Variants in CNGA2 observed in about 807,000 individuals in gnomAD.
CNGA2 encodes cyclic nucleotide-gated channel alpha-2.
A neutral mutation model predicts 35.9 loss-of-function variants in CNGA2; 22 were observed. The ratio of observed to expected loss-of-function variants is 0.61; its 90% CI spans 0.44 to 0.88. The LOEUF is 0.88. Among genes scored for constraint, CNGA2 ranks in the 40% least tolerant of loss-of-function variants. The pLI is 0.00. For missense variants in CNGA2, 555 were observed against 530.8 expected, an observed-to-expected ratio of 1.05 and a Z score of -0.45; for synonymous variants, 217 against 209.2, an observed-to-expected ratio of 1.04 and a Z score of -0.32.
At position 151,744,487 on chromosome X, in the gene CNGA2, G is replaced by A. The variant is rs1210284448; in HGVS notation, c.1984G>A (p.Asp662Asn). ...GMNSPELAAA[D>N]EP is the part of the protein sequence containing the mutation. ...GAACAGCCCTGAGCTGGCTGCTGCT[G>A]ACGAGCCATAAGACCTGGGGCCCAA... Residue 662 changes from aspartate (D) to asparagine (N), a missense_variant, in exon 7 of 7, where the codon GAC (aspartate) becomes AAC (asparagine). Physicochemically the swap from Asp to Asn is conservative, Grantham distance 23. Transcript: ENST00000329903. The A allele has an allele frequency of 3.4e-6, 4 of 1,167,003 alleles. No individual in the cohort carries two copies. Among genetic ancestry groups the A allele is most frequent in the Non-Finnish European group, 4.6e-6 (4 of 871,968 alleles).
intron 4 of CNGA2, 136 bp downstream of exon 4, chrX:151,739,868 G>A: frequency 1.4e-6 from 1 of 704,449 alleles, no homozygotes; most frequent in Non-Finnish European, 2.0e-6. Flanking sequence ...AGGGTGATTT[G>A]CAATGTTTTC....
intron 3 of CNGA2, 21 bp downstream of exon 3, chrX:151,738,900 G>T: frequency 8.9e-7 from 1 of 1,126,072 alleles, no homozygotes. Flanking sequence ...CCACTACCCT[G>T]CTGCTTCCCC....
At chrX:151,737,695 G>T (rs760163710) in intron 1 of CNGA2, among the ~76,000 whole-genome samples, 2 of 111,626 alleles carry the variant, frequency 1.8e-5, no homozygotes, top group South Asian at 7.7e-4. Flanking sequence ...CCTGCTCTGC[G>T]CAGAGGAGAG....
In CNGA2 at chrX:151,743,038, ATG is replaced by A. The variant is rs1491462268; in HGVS notation, c.590-53_590-52del. On this transcript the variant is annotated intron_variant, in intron 6 of 6. Coordinates refer to ENST00000329903, the MANE Select transcript of CNGA2 (RefSeq NM_005140.3). ...TATATGTATATATATGCACATATATATGTATATATATACCCTGAGGGCAGAGA... is the reference window on the plus strand; with the variant it reads ...TATATGTATATATATGCACATATATATATATATATACCCTGAGGGCAGAGA... 4.7e-3 allele frequency: 2,061 copies of A among 442,040 alleles called. 410 individuals carry two copies. The African/African-American group carries it at 0.055, about 12-fold the overall frequency. 36.4% of individuals were successfully genotyped at this position (442,040 alleles called of 1,213,427 possible).
At chrX:151,739,456 G>A in intron 3 of CNGA2, 106 bp from the exon 4 acceptor site, 1 of 890,023 alleles carries the variant, frequency 1.1e-6, no homozygotes, top group Non-Finnish European at 1.6e-6. Context: ...AGGTTTCACT[G>A]TCCTTCTTTC....
intron 6 of CNGA2, among the ~76,000 whole-genome samples, 168 bp from the exon 7 acceptor site, chrX:151,742,925 G>GATATATATAT (rs34829464): frequency 3.3e-5 from 2 of 61,442 alleles, no homozygotes; most frequent in African/African-American, 2.0e-4. Flanking sequence ...TATAGGGAAG[G>GATATATATAT]ATATATATAT....
At chrX:151,741,152 G>C (rs987517904) in intron 5 of CNGA2, among the ~76,000 whole-genome samples, 1 of 112,070 alleles carries the variant, frequency 8.9e-6, no homozygotes, top group Non-Finnish European at 1.9e-5. Flanking sequence ...CTAGGATTTG[G>C]TGATGCCATT....
In CNGA2 at chrX:151,740,660, C is replaced by T. The variant is rs2015295338; in HGVS notation, c.375-134C>T. 3 of 518,677 alleles carry T rather than the reference C, an allele frequency of 5.8e-6. No homozygotes were observed. In the Admixed American group the frequency reaches 8.1e-5, roughly 14 times the overall value. The allele number at this position is 518,677 out of a possible 1,213,427, so 42.7% of individuals were successfully genotyped here. ...TTCCCTGAAAAATGTGGCCCTCAGC[C>T]AACCCATCTTTCACCCCACATATAC... On this transcript the variant is annotated intron_variant, in intron 4 of 6. Coordinates refer to ENST00000329903, the MANE Select transcript of CNGA2 (RefSeq NM_005140.3).
chrX:151,744,394 C>A lies in CNGA2; in HGVS notation c.1891C>A (p.Gln631Lys). Residue 631 changes from glutamine (Q) to lysine (K), a missense_variant, in exon 7 of 7, where the codon CAG becomes AAG. By Grantham distance (53) the Gln-to-Lys change is moderately conservative (BLOSUM62 1). Coordinates refer to ENST00000329903, the MANE Select transcript of CNGA2 (RefSeq NM_005140.3). Reference protein sequence around the residue: ...EYTGAQQKLKQRITVLETKMK... With the variant: ...EYTGAQQKLKKRITVLETKMK... Reference sequence around the variant, plus strand: ...CACGGGGGCCCAGCAGAAGCTCAAGCAGCGCATCACAGTTCTGGAAACCAA... The same window carrying A: ...CACGGGGGCCCAGCAGAAGCTCAAGAAGCGCATCACAGTTCTGGAAACCAA... The A allele has an allele frequency of 1.7e-6, 2 of 1,210,638 alleles. No homozygotes were observed. Among genetic ancestry groups the A allele is most frequent in the East Asian group, 5.9e-5 (2 of 33,798 alleles).
rs150929500 is a variant in CNGA2, at chrX:151,737,551, T to C, written c.-26-907T>C. On this transcript the variant is annotated intron_variant, in intron 1 of 6. Transcript: ENST00000329903. ...CCAGATAGTTCCGCACTCTGCCCTC[T>C]TGTCTTGGGCTCCATTGGTACTCTT... Among the ~76,000 whole-genome samples, 123 of 111,136 alleles carry C rather than the reference T, an allele frequency of 1.1e-3. 2 individuals are homozygous for C. The highest frequency in any genetic ancestry group is 3.9e-3 in the African/African-American group (118 of 30,533).
At chrX:151,741,392 A>T (rs1249871027) in intron 5 of CNGA2, among the ~76,000 whole-genome samples, 2 of 111,705 alleles carry the variant, frequency 1.8e-5, no homozygotes, top group South Asian at 7.6e-4. Flanking sequence ...CTTGCAGGCT[A>T]AGTTCAAAAG....
chrX:151,743,039 T>TATATATATAC (rs111772081), intron 6 of CNGA2, 54 bp from the exon 7 acceptor site: 1 of 403,541 alleles, frequency 2.5e-6, no homozygotes, highest in African/African-American at 7.0e-5. Flanking sequence ...CACATATATA[T>TATATATATAC]GTATATATAT....
chrX:151,739,158 C>T (rs2015277712), intron 3 of CNGA2, among the ~76,000 whole-genome samples: 1 of 112,592 alleles, frequency 8.9e-6, no homozygotes, highest in African/African-American at 3.2e-5. Context: ...GGTAGAGGAC[C>T]CAAGGCCTCT....
At position 151,738,589 on chromosome X, in the gene CNGA2, A is replaced by G. The variant is rs200529056; in HGVS notation, c.106A>G (p.Ser36Gly). 1.1e-4 allele frequency: 137 copies of G among 1,200,351 alleles called. No individual in the cohort carries two copies. The Middle Eastern group carries it at 1.8e-3, about 16-fold the overall frequency. The change falls in exon 2 of 7, where the codon AGC becomes GGC. Residue 36 changes from serine to glycine, a missense_variant. Physicochemically the swap from Ser to Gly is moderately conservative, Grantham distance 56. Transcript: ENST00000329903. Reference protein sequence around the residue: ...ANGKDDHRTSSRPHSAADDDT... With the variant: ...ANGKDDHRTSGRPHSAADDDT... ...TGGCAAAGATGACCACAGGACAAGC[A>G]GCAGGTGAGTCTGCATGGTATCAGG... is the stretch of plus-strand genomic sequence containing the variant.
chrX:151,739,443 TG>T lies in CNGA2; in HGVS notation c.204-118del, dbSNP rs954164925. The T allele has an allele frequency of 6.6e-5, 53 of 798,156 alleles. No homozygotes were observed. The African/African-American group carries it at 1.0e-3, about 15-fold the overall frequency. 65.8% of individuals were successfully genotyped at this position (798,156 alleles called of 1,213,427 possible). On this transcript the variant is annotated intron_variant, in intron 3 of 6. Transcript: ENST00000329903. ...ACGGGAAATCATGGTCTGGCCTGTTTGTAGGTTTCACTGTCCTTCTTTCATC... is the reference window on the plus strand; with the variant it reads ...ACGGGAAATCATGGTCTGGCCTGTTTTAGGTTTCACTGTCCTTCTTTCATC...
intron 4 of CNGA2, among the ~76,000 whole-genome samples, chrX:151,740,032 G>C (rs982035452): frequency 8.9e-6 from 1 of 112,428 alleles, no homozygotes; most frequent in Non-Finnish European, 1.9e-5. Flanking sequence ...GAAATACTGA[G>C]AGGGTGCATT....
chrX:151,739,772 G>A (rs1258610900), intron 4 of CNGA2, 40 bp downstream of exon 4: 4 of 1,180,489 alleles, frequency 3.4e-6, no homozygotes, highest in Non-Finnish European at 4.6e-6. Flanking sequence ...TGGGCTTTAA[G>A]CATGCAATGG....
chrX:151,742,972 G>GTATA (rs1211470815), intron 6 of CNGA2, 121 bp from the exon 7 acceptor site: 2 of 32,279 alleles, frequency 6.2e-5, no homozygotes, highest in Non-Finnish European at 1.0e-4. Context: ...ATATATATAT[G>GTATA]TATATATATA....
intron 2 of CNGA2, 36 bp from the exon 3 acceptor site, chrX:151,738,751 G>A: frequency 8.8e-7 from 1 of 1,139,579 alleles, no homozygotes; most frequent in Non-Finnish European, 1.2e-6. Context: ...GTCATGCCCT[G>A]AGAACCCTGG....
Sources: allele counts gnomAD v4.1 joint callset (sites outside exome capture counted in the v4.1 genomes callset), GRCh38; gene constraint gnomAD v4.1.1; transcripts MANE v1.5; gene names NCBI Gene and HGNC (gene_info 2026-07-23, HGNC 2026-07-21).